Variants in SNX29 observed in about 807,000 individuals in gnomAD.
The protein encoded by SNX29 is sorting nexin 29.
Under a neutral mutation model 102.1 loss-of-function variants are expected in SNX29, and 78 were observed. The observed-to-expected ratio is 0.76, with a 90% CI of 0.64 to 0.92. The LOEUF is 0.92. Among genes scored for constraint, SNX29 ranks in the 40% least tolerant of loss-of-function variants. The pLI is 0.00. For synonymous variants in SNX29, 580 were observed against 414.5 expected, an observed-to-expected ratio of 1.40 and a Z score of -4.85; for missense variants, 1,280 against 1,061.7, an observed-to-expected ratio of 1.21 and a Z score of -2.86.
At chr16:12,119,882 A>G (rs1284474168) in intron 11 of SNX29, among the ~76,000 whole-genome samples, 3 of 152,244 alleles carry the variant, frequency 2.0e-5, no homozygotes, top group East Asian at 3.8e-4. Context: ...TGTGAGAATT[A>G]CATGAGATCG....
chr16:12,435,510 C>T (rs974517538), intron 18 of SNX29, among the ~76,000 whole-genome samples: 4 of 152,198 alleles, frequency 2.6e-5, no homozygotes, highest in African/African-American at 9.6e-5. Flanking sequence ...CTGGGCATGG[C>T]TTTGGCTACT....
chr16:12,403,944 A>G (rs2084062543), intron 18 of SNX29, among the ~76,000 whole-genome samples: 1 of 152,138 alleles, frequency 6.6e-6, no homozygotes, highest in Non-Finnish European at 1.5e-5. Context: ...GTGGGTTGAC[A>G]GGATGACCCC....
intron 9 of SNX29, among the ~76,000 whole-genome samples, chr16:12,063,139 A>G (rs2050850233): frequency 6.6e-6 from 1 of 152,038 alleles, no homozygotes; most frequent in African/African-American, 2.4e-5. Flanking sequence ...TATATCAGCT[A>G]CCTTTGAGAT....
At chr16:12,423,378 A>C (rs986848458) in intron 18 of SNX29, among the ~76,000 whole-genome samples, 6 of 152,084 alleles carry the variant, frequency 3.9e-5, no homozygotes, top group African/African-American at 1.4e-4. Flanking sequence ...GGCATGAGCA[A>C]TGGCATCACT....
At chr16:12,481,455 CATAT>C (rs1555549461) in intron 19 of SNX29, among the ~76,000 whole-genome samples, 4 of 117,858 alleles carry the variant, frequency 3.4e-5, no homozygotes, top group Non-Finnish European at 7.8e-5. Flanking sequence ...CACATATATA[CATAT>C]ATATATACAC....
chr16:12,030,357 C>T (rs138133306), intron 4 of SNX29, among the ~76,000 whole-genome samples: 1 of 152,182 alleles, frequency 6.6e-6, no homozygotes, highest in African/African-American at 2.4e-5. Context: ...TTGTCAGTCT[C>T]CAAAACTGAA....
intron 17 of SNX29, among the ~76,000 whole-genome samples, chr16:12,400,289 C>T (rs555492675): frequency 7.2e-5 from 11 of 152,332 alleles, no homozygotes; most frequent in African/African-American, 2.4e-4. Context: ...CAGTTCCGCT[C>T]CTCTAACCCA....
At chr16:12,314,376 G>A (rs557915815) in intron 15 of SNX29, among the ~76,000 whole-genome samples, 1 of 152,370 alleles carries the variant, frequency 6.6e-6, no homozygotes, top group Admixed American at 6.5e-5. Context: ...TGAAAGAGAA[G>A]CAGCACAGAG....
At chr16:12,342,518 C>A (rs1394081758) in intron 15 of SNX29, among the ~76,000 whole-genome samples, 4 of 152,158 alleles carry the variant, frequency 2.6e-5, no homozygotes, top group Admixed American at 2.6e-4. Flanking sequence ...CTCGTCTTTC[C>A]ATTGTAATGT....
At chr16:12,560,603 G>A (rs1436927751) in intron 20 of SNX29, among the ~76,000 whole-genome samples, 2 of 152,178 alleles carry the variant, frequency 1.3e-5, no homozygotes, top group Non-Finnish European at 2.9e-5. Context: ...TCATAAAGCA[G>A]CAAGCAACAG....
intron 20 of SNX29, among the ~76,000 whole-genome samples, chr16:12,538,487 A>G (rs2077178391): frequency 6.6e-6 from 1 of 152,154 alleles, no homozygotes; most frequent in African/African-American, 2.4e-5. Context: ...TGTGTAACAT[A>G]CATCTATGAT....
intron 15 of SNX29, among the ~76,000 whole-genome samples, chr16:12,349,158 A>C (rs2081918620): frequency 6.6e-6 from 1 of 152,196 alleles, no homozygotes; most frequent in South Asian, 2.1e-4. Context: ...CCAAGCCTAC[A>C]TTTCCTCAAA....
At chr16:12,440,037 T>C (rs1324086878) in intron 18 of SNX29, among the ~76,000 whole-genome samples, 1 of 152,146 alleles carries the variant, frequency 6.6e-6, no homozygotes, top group East Asian at 1.9e-4. Context: ...CCTCGCCTCT[T>C]AGAGTCTCAT....
intron 13 of SNX29, among the ~76,000 whole-genome samples, chr16:12,155,524 A>G (rs1272965328): frequency 6.6e-6 from 1 of 152,158 alleles, no homozygotes; most frequent in African/African-American, 2.4e-5. Context: ...CCGTTTTCTC[A>G]GGGCAATGAT....
intron 1 of SNX29, among the ~76,000 whole-genome samples, chr16:11,984,362 C>G (rs2055514960): frequency 8.3e-6 from 1 of 121,008 alleles, no homozygotes; most frequent in Non-Finnish European, 1.7e-5. Flanking sequence ...CCAGACCCCT[C>G]AGACCCTGTC....
At chr16:12,054,799 G>A (rs576218719) in intron 8 of SNX29, among the ~76,000 whole-genome samples, 1 of 152,254 alleles carries the variant, frequency 6.6e-6, no homozygotes, top group South Asian at 2.1e-4. Context: ...CCATTTCTCC[G>A]CAGAACCGTG....
intron 13 of SNX29, among the ~76,000 whole-genome samples, chr16:12,168,497 C>G (rs2076068294): frequency 6.6e-6 from 1 of 152,188 alleles, no homozygotes; most frequent in Non-Finnish European, 1.5e-5. Flanking sequence ...TCCTCTGCTC[C>G]TAGGTCCCCA....
chr16:12,390,178 G>GTGTGTGTGTA lies in SNX29; in HGVS notation c.1900-8265_1900-8264insGTGTGTATGT, dbSNP rs1303815035. Among the ~76,000 whole-genome samples, 628 of 149,528 alleles carry GTGTGTGTGTA rather than the reference G, an allele frequency of 4.2e-3. 8 individuals carry two copies. The highest frequency in any genetic ancestry group is 0.014 in the African/African-American group (570 of 40,046). On this transcript the variant is annotated intron_variant, in intron 16 of 20. Transcript: ENST00000566228. The stretch of plus-strand genomic sequence containing the variant: ...TGTGTGTGTGTGTGTGTGTGTGTGT[G>GTGTGTGTGTA]TGTATGTATATGTATATGTGTGCAC...
chr16:12,199,552 C>T, intron 13 of SNX29, 49 bp from the exon 14 acceptor site: 2 of 1,534,306 alleles, frequency 1.3e-6, no homozygotes, highest in Non-Finnish European at 1.8e-6. Context: ...TGTGGGTCCA[C>T]ATTGTCACTT....
Sources: allele counts gnomAD v4.1 joint callset (sites outside exome capture counted in the v4.1 genomes callset), GRCh38; gene constraint gnomAD v4.1.1; transcripts MANE v1.5; gene names NCBI Gene and HGNC (gene_info 2026-07-23, HGNC 2026-07-21).